Variants in MECOM observed in about 807,000 individuals in gnomAD.
MECOM encodes the protein histone-lysine N-methyltransferase MECOM.
MECOM carries 13 observed loss-of-function variants against 116.3 expected under a neutral mutation model. The ratio of observed to expected loss-of-function variants is 0.11; its 90% CI spans 0.07 to 0.18. The LOEUF (loss-of-function observed/expected upper bound fraction) is 0.18. Ranked by LOEUF, MECOM falls within the 10% of genes least tolerant of loss-of-function variation. MECOM has a pLI of 1.00. For synonymous variants in MECOM, 528 were observed against 535.2 expected (o/e 0.99, Z 0.19); for missense variants, 1,299 against 1,509.0 (o/e 0.86, Z 2.31).
At chr3:169,656,045 G>A (rs573915890) in intron 1 of MECOM, among the ~76,000 whole-genome samples, 5 of 152,302 alleles carry the variant, frequency 3.3e-5, no homozygotes, top group African/African-American at 7.2e-5. Flanking sequence ...TGATGTGCAC[G>A]TTTGTAATGC....
chr3:169,181,818 C>T (rs1387999054), intron 2 of MECOM, among the ~76,000 whole-genome samples: 1 of 152,130 alleles, frequency 6.6e-6, no homozygotes, highest in East Asian at 1.9e-4. Flanking sequence ...GTCAGGCGAA[C>T]TTGGATTCAA....
rs1255613781 is a variant in MECOM at position 169,594,174 on chromosome 3, A to AAAAAAAAAAAAAAAAAAAAAAAAC, written c.37+69161_37+69162insGTTTTTTTTTTTTTTTTTTTTTTT. Among the ~76,000 whole-genome samples the AAAAAAAAAAAAAAAAAAAAAAAAC allele has an allele frequency of 1.1e-3, 142 of 125,918 alleles. 7 individuals are homozygous for AAAAAAAAAAAAAAAAAAAAAAAAC. The highest frequency in any genetic ancestry group is 1.2e-3 in the South Asian group (5 of 4,074). 82.6% of individuals were successfully genotyped at this position (125,918 alleles called of 152,430 possible). A position where few individuals can be genotyped will look rare whatever the true frequency, so the allele number is the denominator to read the frequency against. On this transcript the variant is annotated intron_variant, in intron 1 of 16. Transcript: ENST00000651503. The stretch of plus-strand genomic sequence containing the variant: ...CACCACAAAAAAAAAAAAAAAAAAA[A>AAAAAAAAAAAAAAAAAAAAAAAAC]AACACCTTTTCACCTAAGTACCTCA...
At chr3:169,160,283 A>G (rs1006726738) in intron 2 of MECOM, among the ~76,000 whole-genome samples, 2 of 152,018 alleles carry the variant, frequency 1.3e-5, no homozygotes, top group African/African-American at 4.8e-5. Context: ...TTTTCTGAGA[A>G]AGGATTTTTT....
At chr3:169,482,838 A>G (rs1751537980) in intron 1 of MECOM, among the ~76,000 whole-genome samples, 1 of 152,238 alleles carries the variant, frequency 6.6e-6, no homozygotes, top group African/African-American at 2.4e-5. Flanking sequence ...GAAACATTTA[A>G]AATTGATAGG....
intron 2 of MECOM, chr3:169,145,169 CACACACACACACACACACACAGAG>C (rs1338863795): frequency 5.2e-5 from 26 of 496,500 alleles, no homozygotes; most frequent in African/African-American, 2.4e-4. Context: ...CACACACACA[CACACACACACACACACACACAGAG>C]AGAAATCAAA....
intron 1 of MECOM, among the ~76,000 whole-genome samples, chr3:169,502,876 C>T (rs1400438575): frequency 6.6e-6 from 1 of 152,034 alleles, no homozygotes; most frequent in Non-Finnish European, 1.5e-5. Context: ...AAACCATATG[C>T]TTCATATATT....
At position 169,647,741 on chromosome 3, in the gene MECOM, A is replaced by G. The variant is rs544562336; in HGVS notation, c.37+15595T>C. The stretch of plus-strand genomic sequence containing the variant: ...TTTACACAGCTTTTTGCAGCTGATA[A>G]AAGCTTATACATATGTCATCTTATG... On this transcript the variant is annotated intron_variant, in intron 1 of 16. Coordinates refer to ENST00000651503, the MANE Select transcript of MECOM (RefSeq NM_004991.4). Among the ~76,000 whole-genome samples the G allele has an allele frequency of 3.4e-4, 52 of 152,284 alleles. No individual in the cohort carries two copies. In the South Asian group the frequency reaches 1.0e-2, roughly 29 times the overall value.
chr3:169,376,365 A>G (rs1017039803), intron 2 of MECOM, among the ~76,000 whole-genome samples: 2 of 152,174 alleles, frequency 1.3e-5, no homozygotes, highest in Non-Finnish European at 2.9e-5. Context: ...AGAGTATTCA[A>G]ATAAGAAGAG....
At chr3:169,270,770 C>G (rs1758845659) in intron 2 of MECOM, among the ~76,000 whole-genome samples, 2 of 151,750 alleles carry the variant, frequency 1.3e-5, no homozygotes, top group African/African-American at 4.8e-5. Context: ...AAATTATTGC[C>G]CCTGGATGGA....
intron 1 of MECOM, among the ~76,000 whole-genome samples, chr3:169,600,214 T>G (rs1315699124): frequency 6.6e-6 from 1 of 152,120 alleles, no homozygotes; most frequent in East Asian, 1.9e-4. Context: ...TCATGTGATC[T>G]GCCCACCTCA....
At chr3:169,601,191 T>C (rs995482782) in intron 1 of MECOM, among the ~76,000 whole-genome samples, 2 of 152,186 alleles carry the variant, frequency 1.3e-5, no homozygotes, top group African/African-American at 4.8e-5. Flanking sequence ...AACCTCATAG[T>C]TTTATAAGCC....
At chr3:169,438,390 G>A (rs1429369580) in intron 1 of MECOM, among the ~76,000 whole-genome samples, 3 of 152,178 alleles carry the variant, frequency 2.0e-5, no homozygotes, top group African/African-American at 7.2e-5. Flanking sequence ...TATTTCAGAG[G>A]TGGTCCCAGG....
rs181570269 is a variant in MECOM, at chr3:169,348,201, T to G, written c.375+32986A>C. Among the ~76,000 whole-genome samples, 293 of 152,224 alleles carry G rather than the reference T, an allele frequency of 1.9e-3. 2 individuals carry two copies. The highest frequency in any genetic ancestry group is 2.8e-3 in the Non-Finnish European group (188 of 67,992). On this transcript the variant is annotated intron_variant, in intron 2 of 16. Transcript: ENST00000651503. ...GGGAATATTGCAGATTCTGTCTGTG[T>G]GTGCACACATGTGCATAAGGACCAG...
At chr3:169,509,607 A>G (rs1755709214) in intron 1 of MECOM, among the ~76,000 whole-genome samples, 2 of 152,108 alleles carry the variant, frequency 1.3e-5, no homozygotes, top group Non-Finnish European at 2.9e-5. Flanking sequence ...GGAACCATGC[A>G]TTATTTGTTC....
At chr3:169,431,373 C>A (rs1417726584) in intron 1 of MECOM, among the ~76,000 whole-genome samples, 1 of 152,160 alleles carries the variant, frequency 6.6e-6, no homozygotes, top group South Asian at 2.1e-4. Flanking sequence ...GCATAGATGT[C>A]CTGATAATTG....
At chr3:169,119,948 C>T (rs3851377) in intron 7 of MECOM, among the ~76,000 whole-genome samples, 61,990 of 152,040 alleles carry the variant, frequency 0.41, 15,268 homozygotes, top group Non-Finnish European at 0.56. Flanking sequence ...TATTTTGGTG[C>T]TTGGACACAC....
At chr3:169,509,586 C>G (rs1755706358) in intron 1 of MECOM, among the ~76,000 whole-genome samples, 2 of 152,172 alleles carry the variant, frequency 1.3e-5, no homozygotes, top group Admixed American at 1.3e-4. Flanking sequence ...TTCTAGGCCT[C>G]TCATGAAAGT....
chr3:169,597,151 A>T (rs1375803067), intron 1 of MECOM, among the ~76,000 whole-genome samples: 2 of 152,218 alleles, frequency 1.3e-5, no homozygotes, highest in Non-Finnish European at 2.9e-5. Context: ...GAAGACAGGG[A>T]TACATTAAGA....
intron 2 of MECOM, among the ~76,000 whole-genome samples, chr3:169,177,101 C>A (rs1745283117): frequency 6.6e-6 from 1 of 152,170 alleles, no homozygotes. Flanking sequence ...TTTGACCCAG[C>A]AATTCCCTTA....
Sources: allele counts gnomAD v4.1 joint callset (sites outside exome capture counted in the v4.1 genomes callset), GRCh38; gene constraint gnomAD v4.1.1; transcripts MANE v1.5; gene names NCBI Gene and HGNC (gene_info 2026-07-23, HGNC 2026-07-21).